The following ZDBF2 variants were observed in gnomAD, a reference collection of about 807,000 sequenced individuals.
ZDBF2 encodes the protein DBF4-type zinc finger-containing protein 2.
A neutral mutation model predicts 9.4 loss-of-function variants in ZDBF2; 6 were observed. That is an observed-to-expected ratio of 0.64 (90% confidence interval 0.35 to 1.27). The LOEUF (loss-of-function observed/expected upper bound fraction) is 1.27, where lower values mean the gene tolerates loss of function less well. Ranked by LOEUF, ZDBF2 falls within the 50% of genes most tolerant of loss-of-function variation. The pLI, the probability that ZDBF2 is intolerant of heterozygous loss-of-function variation, is 0.03. For missense variants in ZDBF2, 2,697 were observed against 2,766.8 expected (o/e 0.97, Z 0.57); for synonymous variants, 905 against 946.3 (o/e 0.96, Z 0.80).
At chr2:206,282,719 TATAACTC>T (rs749554746) in intron 3 of ZDBF2, among the ~76,000 whole-genome samples, 11 of 152,344 alleles carry the variant, frequency 7.2e-5, no homozygotes, top group Admixed American at 2.6e-4. Flanking sequence ...GTTATTGTGA[TATAACTC>T]ATACACCATA....
rs1693270548 is a variant in ZDBF2 at position 206,313,137 on chromosome 2, T to A, written c.*1544T>A. ...CATATTTTATTGAAACTAAGGTCAA[T>A]GTTGAACCATATCTTGATTTCAGAA... On this transcript the variant is annotated 3_prime_UTR_variant, in exon 5 of 5. Coordinates refer to ENST00000374423, the MANE Select transcript of ZDBF2 (RefSeq NM_020923.3). 1.3e-5 allele frequency: 2 copies of A among 152,212 alleles called. No individual in the cohort carries two copies. The highest frequency in any genetic ancestry group is 4.8e-5 in the African/African-American group (2 of 41,458). The allele number at this position is 152,212 out of a possible 1,614,324, so 9.4% of individuals were successfully genotyped here.
intron 4 of ZDBF2, among the ~76,000 whole-genome samples, chr2:206,300,825 T>A (rs990576408): frequency 6.6e-6 from 1 of 152,230 alleles, no homozygotes; most frequent in South Asian, 2.1e-4. Flanking sequence ...CTTATTTATA[T>A]CATTATAGAC....
intron 4 of ZDBF2, among the ~76,000 whole-genome samples, chr2:206,299,108 C>T (rs1025568385): frequency 7.9e-5 from 12 of 151,566 alleles, no homozygotes; most frequent in African/African-American, 9.7e-5. Context: ...CTCGAACTCC[C>T]GACCTCAGGT....
In ZDBF2 at chr2:206,309,282, AT is replaced by A; in HGVS notation, c.4756del (p.Cys1586ValfsTer8). The A allele has an allele frequency of 6.2e-7, 1 of 1,611,966 alleles. No individual in the cohort carries two copies. The highest frequency in any genetic ancestry group is 8.5e-7 in the Non-Finnish European group (1 of 1,178,950). On this transcript the variant is annotated frameshift_variant, in exon 5 of 5. Transcript: ENST00000374423. LOFTEE classifies it low-confidence loss of function (END_TRUNC). ...TTTTTTGGTTCTGAAGTCAGATGTA[AT>A]TGTAAAGCCTCTACTCCCTCAATGA... ...CDFFGSEVRC[N>X]CKASTPSMTN...
At chr2:206,301,320 C>T (rs1267561579) in intron 4 of ZDBF2, among the ~76,000 whole-genome samples, 2 of 151,960 alleles carry the variant, frequency 1.3e-5, no homozygotes, top group Non-Finnish European at 2.9e-5. Flanking sequence ...CTTTATTATA[C>T]AGAAATTAAA....
chr2:206,309,155 G>T lies in ZDBF2; in HGVS notation c.4627G>T (p.Asp1543Tyr). 6.2e-7 allele frequency: 1 copy of T among 1,612,144 alleles called. No homozygotes were observed. The change falls in exon 5 of 5, where the codon GAT (aspartate) becomes TAT (tyrosine). Residue 1543 changes from aspartate to tyrosine, a missense_variant. By Grantham distance (160) the Asp-to-Tyr change is radical. Transcript: ENST00000374423. Reference sequence around the variant, plus strand: ...TAGTGATTATGAAGTAATTTCAGATGATATTCCCCTTCAGTTAGTGACTGA... The same window carrying T: ...TAGTGATTATGAAGTAATTTCAGATTATATTCCCCTTCAGTTAGTGACTGA... ...GDSDYEVISD[D>Y]IPLQLVTDPP...
chr2:206,300,827 A>G (rs1288831592), intron 4 of ZDBF2, among the ~76,000 whole-genome samples: 3 of 152,194 alleles, frequency 2.0e-5, no homozygotes, highest in Non-Finnish European at 2.9e-5. Context: ...TATTTATATC[A>G]TTATAGACTC....
At position 206,311,050 on chromosome 2, in the gene ZDBF2, GA is replaced by G. The variant is rs752375046; in HGVS notation, c.6526del (p.Ile2176PhefsTer6). On this transcript the variant is annotated frameshift_variant, in exon 5 of 5. Transcript: ENST00000374423. LOFTEE classifies it low-confidence loss of function (END_TRUNC). ...AGCTTTTGGAAAGTCAAAGTAAAAA[GA>G]AAATTCATGGAAAGAGGGTGACAAC... ...NKLLESQSKK[K>X]IHGKRVTTSS... 1.2e-6 allele frequency: 2 copies of G among 1,609,918 alleles called. No individual in the cohort carries two copies. The highest frequency in any genetic ancestry group is 1.7e-6 in the Non-Finnish European group (2 of 1,178,996).
intron 1 of ZDBF2, among the ~76,000 whole-genome samples, chr2:206,277,585 G>A (rs1691085932): frequency 6.6e-6 from 1 of 152,040 alleles, no homozygotes; most frequent in Non-Finnish European, 1.5e-5. Flanking sequence ...GGGGAAAAAT[G>A]TTTAACATTG....
chr2:206,293,720 A>G (rs931164769), intron 3 of ZDBF2, among the ~76,000 whole-genome samples: 4 of 152,196 alleles, frequency 2.6e-5, no homozygotes, highest in Non-Finnish European at 4.4e-5. Flanking sequence ...AACAATAAAC[A>G]TCCTTACAAT....
intron 3 of ZDBF2, among the ~76,000 whole-genome samples, chr2:206,290,021 GTTGT>G (rs1030402577): frequency 9.9e-5 from 15 of 152,144 alleles, no homozygotes; most frequent in Admixed American, 1.3e-4. Context: ...TTAAAATATA[GTTGT>G]TTGTTCATTG....
chr2:206,278,401 T>G (rs1175773580), intron 1 of ZDBF2, among the ~76,000 whole-genome samples: 8 of 152,196 alleles, frequency 5.3e-5, no homozygotes, highest in Non-Finnish European at 8.8e-5. Context: ...TCCCTTACGC[T>G]TTGAAAAGCT....
intron 4 of ZDBF2, among the ~76,000 whole-genome samples, chr2:206,300,207 A>G (rs1181537689): frequency 6.6e-6 from 1 of 152,220 alleles, no homozygotes; most frequent in Non-Finnish European, 1.5e-5. Context: ...CCAAGAAATT[A>G]CATTGATACC....
At chr2:206,296,764 C>A in intron 3 of ZDBF2, among the ~76,000 whole-genome samples, 1 of 152,082 alleles carries the variant, frequency 6.6e-6, no homozygotes, top group East Asian at 1.9e-4. Flanking sequence ...CTCATTTTTT[C>A]TTAATATGTA....
At chr2:206,286,958 C>T (rs1691634733) in intron 3 of ZDBF2, among the ~76,000 whole-genome samples, 1 of 151,928 alleles carries the variant, frequency 6.6e-6, no homozygotes, top group East Asian at 1.9e-4. Context: ...GTAGTAGATC[C>T]CTCTTGGTGT....
At chr2:206,282,028 G>A in intron 3 of ZDBF2, 119 bp downstream of exon 3, 2 of 915,124 alleles carry the variant, frequency 2.2e-6, no homozygotes, top group South Asian at 2.0e-5. Context: ...TCTATTAGTT[G>A]GCAGACACTG....
In ZDBF2 at chr2:206,308,584, C is replaced by G. The variant is rs780096902; in HGVS notation, c.4056C>G (p.Ala1352=). The part of the protein sequence containing the change: ...KQPHILEEEH[A]SLEDKSSNSY... Reference sequence around the variant, plus strand: ...CACACATTTTGGAAGAGGAGCATGCCAGTCTGGAAGATAAGAGCAGTAATT... The same window carrying G: ...CACACATTTTGGAAGAGGAGCATGCGAGTCTGGAAGATAAGAGCAGTAATT... The change falls in exon 5 of 5, where the codon GCC becomes GCG. Residue 1352 remains alanine (A), a synonymous_variant. Transcript: ENST00000374423. 6.2e-7 allele frequency: 1 copy of G among 1,613,488 alleles called. No individual in the cohort carries two copies. The highest frequency in any genetic ancestry group is 1.1e-5 in the South Asian group (1 of 91,034).
Position 206,308,228 on chromosome 2 carries a change from A to G in ZDBF2, c.3700A>G (p.Arg1234Gly). The G allele has an allele frequency of 6.2e-7, 1 of 1,613,886 alleles. No homozygotes were observed. Among genetic ancestry groups the G allele is most frequent in the Non-Finnish European group, 8.5e-7 (1 of 1,179,832 alleles). Reference sequence around the variant, plus strand: ...GGATGAAGAAGTTGACACGGAAGATAGGAGAAATGAAGCTAAGGGTTTTGA... The same window carrying G: ...GGATGAAGAAGTTGACACGGAAGATGGGAGAAATGAAGCTAAGGGTTTTGA... ...WKDEEVDTED[R>G]RNEAKGFEIM... Residue 1234 changes from arginine to glycine, a missense_variant, in exon 5 of 5, where the codon AGG becomes GGG. By Grantham distance (125) the Arg-to-Gly change is moderately radical (BLOSUM62 -2). Coordinates refer to ENST00000374423, the MANE Select transcript of ZDBF2 (RefSeq NM_020923.3).
Position 206,305,866 on chromosome 2 carries a change from T to C in ZDBF2, c.1338T>C (p.Tyr446=), listed in dbSNP as rs761907247. The change falls in exon 5 of 5, where the codon TAT becomes TAC. Residue 446 remains tyrosine (Y), a synonymous_variant. Transcript: ENST00000374423. ...TACAGTATAAGAATAATAAATCTTA[T>C]GTTTCTAAAATAAGTTCTGATTGTG... is the stretch of plus-strand genomic sequence containing the variant. ...TDVQYKNNKS[Y]VSKISSDCDD... 1.9e-6 allele frequency: 3 copies of C among 1,613,046 alleles called. No individual in the cohort carries two copies. The highest frequency in any genetic ancestry group is 1.1e-5 in the South Asian group (1 of 90,954).
Sources: gnomAD v4.1 joint callset for allele counts (sites outside exome capture counted in the v4.1 genomes callset) on GRCh38, gnomAD v4.1.1 for gene constraint, MANE v1.5 for transcripts, NCBI Gene and HGNC (gene_info 2026-07-23, HGNC 2026-07-21) for gene names.